The following C8orf34 variants were observed in gnomAD, a reference collection of about 807,000 sequenced individuals.
C8orf34 encodes the protein uncharacterized protein C8orf34.
In C8orf34, 65 loss-of-function variants were observed where a neutral mutation model predicts 68.3. The ratio of observed to expected loss-of-function variants is 0.95; its 90% CI spans 0.78 to 1.17. C8orf34 has a LOEUF of 1.17. Among genes scored for constraint, C8orf34 ranks in the 50% most tolerant of loss-of-function variants. C8orf34 has a pLI of 0.00. For synonymous variants in C8orf34, 244 were observed against 241.2 expected, an observed-to-expected ratio of 1.01 and a Z score of -0.11; for missense variants, 664 against 655.4, an observed-to-expected ratio of 1.01 and a Z score of -0.14.
intron 10 of C8orf34, among the ~76,000 whole-genome samples, chr8:68,775,704 C>A (rs1823496270): frequency 6.6e-6 from 1 of 152,140 alleles, no homozygotes; most frequent in Non-Finnish European, 1.5e-5. Flanking sequence ...GACTTCTTTC[C>A]TTAGCCTAAT....
intron 11 of C8orf34, among the ~76,000 whole-genome samples, chr8:68,786,571 G>A (rs75722644): frequency 2.0e-5 from 3 of 152,180 alleles, no homozygotes; most frequent in African/African-American, 4.8e-5. Context: ...AGTGACTCCC[G>A]AGCCTTGGAA....
At chr8:68,628,943 G>A (rs1818613351) in intron 7 of C8orf34, among the ~76,000 whole-genome samples, 1 of 151,848 alleles carries the variant, frequency 6.6e-6, no homozygotes, top group African/African-American at 2.4e-5. Flanking sequence ...CATATCTTTG[G>A]TCATAAATTG....
intron 3 of C8orf34, among the ~76,000 whole-genome samples, chr8:68,458,150 A>C (rs1811631984): frequency 6.6e-6 from 1 of 152,220 alleles, no homozygotes; most frequent in South Asian, 2.1e-4. Context: ...AGCTACAAAA[A>C]CATCAAAAGA....
chr8:68,702,351 G>T (rs1169996112), intron 8 of C8orf34, among the ~76,000 whole-genome samples: 1 of 152,056 alleles, frequency 6.6e-6, no homozygotes, highest in East Asian at 1.9e-4. Flanking sequence ...ACCCTATGAG[G>T]CATATGAATG....
chr8:68,616,921 C>A (rs190270328), intron 7 of C8orf34, among the ~76,000 whole-genome samples: 1 of 152,270 alleles, frequency 6.6e-6, no homozygotes, highest in African/African-American at 2.4e-5. Context: ...GTGTGGGAGT[C>A]TAAGTCTGTT....
Position 68,331,257 on chromosome 8 carries a change from C to G in C8orf34, c.245C>G (p.Ser82Cys), listed in dbSNP as rs1237106183. The change falls in exon 1 of 14, where the codon TCC becomes TGC. Residue 82 changes from serine to cysteine, a missense_variant. By Grantham distance (112) the Ser-to-Cys change is moderately radical. Coordinates refer to ENST00000518698, the MANE Select transcript of C8orf34 (RefSeq NM_052958.4). ...GTTCTCCCTGCACTCTCTTCGCGGTCCCATCTGTTCCCCATGGCGTCTCAT... is the reference window on the plus strand; with the variant it reads ...GTTCTCCCTGCACTCTCTTCGCGGTGCCATCTGTTCCCCATGGCGTCTCAT... Reference protein sequence around the residue: ...PRVLPALSSRSHLFPMASHPQ... With the variant: ...PRVLPALSSRCHLFPMASHPQ... 1.3e-6 allele frequency: 2 copies of G among 1,536,366 alleles called. No homozygotes were observed. Among genetic ancestry groups the G allele is most frequent in the South Asian group, 2.4e-5 (2 of 84,062 alleles).
At chr8:68,729,197 A>C (rs1449085156) in intron 10 of C8orf34, among the ~76,000 whole-genome samples, 1 of 152,166 alleles carries the variant, frequency 6.6e-6, no homozygotes, top group Non-Finnish European at 1.5e-5. Context: ...ACTTTTTGTT[A>C]ATTTTTAATT....
chr8:68,726,153 C>A (rs940085017), intron 10 of C8orf34, among the ~76,000 whole-genome samples: 1 of 152,164 alleles, frequency 6.6e-6, no homozygotes, highest in Non-Finnish European at 1.5e-5. Flanking sequence ...AAGTGATCCG[C>A]CCGCCTCGGC....
At chr8:68,405,154 GAT>G (rs1563410885) in intron 1 of C8orf34, among the ~76,000 whole-genome samples, 6 of 151,870 alleles carry the variant, frequency 4.0e-5, no homozygotes, top group African/African-American at 1.5e-4. Flanking sequence ...ACATTCTTAA[GAT>G]GGTTTGATGA....
chr8:68,699,642 T>G (rs1403127911), intron 8 of C8orf34, among the ~76,000 whole-genome samples: 1 of 152,102 alleles, frequency 6.6e-6, no homozygotes, highest in Non-Finnish European at 1.5e-5. Context: ...CCTTATTTAG[T>G]GTTGACATTT....
At chr8:68,636,575 ACT>A (rs1281313406) in intron 7 of C8orf34, among the ~76,000 whole-genome samples, 2 of 151,884 alleles carry the variant, frequency 1.3e-5, no homozygotes, top group African/African-American at 4.8e-5. Context: ...ACAGAGCGAG[ACT>A]CTGTCTCAAT....
At position 68,331,029 on chromosome 8, in the gene C8orf34, C is replaced by A; in HGVS notation, c.17C>A (p.Ala6Asp). Reference protein sequence around the residue: MSSPLASELSELAALR... With the variant: MSSPLDSELSELAALR... ...ACGCGATGAATGAGTTCTCCCCTCG[C>A]CTCGGAGTTGTCTGAGTTGGCGGCG... Residue 6 changes from alanine (A) to aspartate (D), a missense_variant, in exon 1 of 14, where the codon GCC (alanine) becomes GAC (aspartate). Transcript: ENST00000518698. 1 of 1,458,554 alleles carries A rather than the reference C, an allele frequency of 6.9e-7. No homozygotes were observed. The highest frequency in any genetic ancestry group is 2.8e-5 in the Admixed American group (1 of 35,742). The allele number at this position is 1,458,554 out of a possible 1,614,324, so 90.4% of individuals were successfully genotyped here.
chr8:68,784,004 G>A (rs560706556), intron 11 of C8orf34, among the ~76,000 whole-genome samples: 5 of 152,168 alleles, frequency 3.3e-5, no homozygotes, highest in African/African-American at 7.2e-5. Flanking sequence ...TGTTAGTATG[G>A]GGCACTGGTC....
intron 7 of C8orf34, among the ~76,000 whole-genome samples, chr8:68,609,330 A>G (rs578188198): frequency 1.3e-5 from 2 of 152,294 alleles, no homozygotes; most frequent in East Asian, 3.9e-4. Context: ...AGGTGTATCT[A>G]GGGGTTACTA....
rs533207058 is a variant in C8orf34, at chr8:68,512,367, A to C, written c.766-9432A>C. On this transcript the variant is annotated intron_variant, in intron 5 of 13. Coordinates refer to ENST00000518698, the MANE Select transcript of C8orf34 (RefSeq NM_052958.4). ...GCAATCCCGTGTACCTAAACATGTT[A>C]AATAATCCTGTTTACCTTTCTTTCT... is the stretch of plus-strand genomic sequence containing the variant. 1.0e-3 allele frequency among the ~76,000 whole-genome samples: 157 copies of C among 152,330 alleles called. 1 individual carries two copies. The highest frequency in any genetic ancestry group is 3.6e-3 in the African/African-American group (149 of 41,574).
chr8:68,409,457 C>T (rs533728636), intron 1 of C8orf34, among the ~76,000 whole-genome samples: 1 of 152,030 alleles, frequency 6.6e-6, no homozygotes, highest in East Asian at 1.9e-4. Context: ...AATTTTAAAA[C>T]ATGAGAAATT....
chr8:68,672,998 G>A (rs1820064777), intron 8 of C8orf34, among the ~76,000 whole-genome samples: 2 of 152,134 alleles, frequency 1.3e-5, no homozygotes, highest in South Asian at 4.1e-4. Context: ...GCTCTCAGAT[G>A]ACATTTCTAG....
At chr8:68,427,073 G>A (rs963772858) in intron 1 of C8orf34, among the ~76,000 whole-genome samples, 6 of 152,144 alleles carry the variant, frequency 3.9e-5, no homozygotes, top group Non-Finnish European at 7.4e-5. Flanking sequence ...GCAAAATTAC[G>A]TATATATTGC....
At chr8:68,525,661 G>A in intron 6 of C8orf34, 1 of 684,166 alleles carries the variant, frequency 1.5e-6, no homozygotes, top group Non-Finnish European at 2.7e-6. Flanking sequence ...CTAGATCTTT[G>A]AGTTGCACAT....
Sources: allele counts gnomAD v4.1 joint callset (sites outside exome capture counted in the v4.1 genomes callset), GRCh38; gene constraint gnomAD v4.1.1; transcripts MANE v1.5; gene names NCBI Gene and HGNC (gene_info 2026-07-23, HGNC 2026-07-21).